Variants in NBPF11 observed in about 807,000 individuals in gnomAD.
The protein encoded by NBPF11 is NBPF family member NBPF11.
In NBPF11, 72 loss-of-function variants were observed where a neutral mutation model predicts 93.9. The observed-to-expected ratio is 0.77, with a 90% CI of 0.63 to 0.93. The LOEUF is 0.93. Among genes scored for constraint, NBPF11 ranks in the 40% least tolerant of loss-of-function variants. The probability of loss-of-function intolerance (pLI) is 0.00; values close to 1 mark genes in which losing one functional copy is unlikely to be tolerated. For missense variants in NBPF11, 705 were observed against 802.2 expected (o/e 0.88, Z 1.46); for synonymous variants, 224 against 304.9 (o/e 0.73, Z 2.76).
intron 2 of NBPF11, among the ~76,000 whole-genome samples, chr1:148,139,347 C>T (rs1329485065): frequency 1.4e-5 from 2 of 143,748 alleles, no homozygotes; most frequent in African/African-American, 2.7e-5. Flanking sequence ...TGTCACAAAA[C>T]GAACACAATA....
At chr1:148,114,778 TCAAA>T (rs1473764604) in intron 14 of NBPF11, among the ~76,000 whole-genome samples, 69 of 146,028 alleles carry the variant, frequency 4.7e-4, no homozygotes, top group African/African-American at 1.4e-3. Flanking sequence ...CAAAAATTGG[TCAAA>T]CAATTTTCTA....
Position 148,103,595 on chromosome 1 carries a change from A to G in NBPF11, c.*301T>C. The G allele has an allele frequency of 1.9e-6, 3 of 1,608,900 alleles. No homozygotes were observed. The highest frequency in any genetic ancestry group is 1.1e-5 in the South Asian group (1 of 90,936). On this transcript the variant is annotated 3_prime_UTR_variant, in exon 24 of 24. Coordinates refer to ENST00000682118, the MANE Select transcript of NBPF11 (RefSeq NM_001385469.3). ...TGTCTGGGCTTCCAAATGGAACTAT[A>G]GTTTCATTCAAATCTTCAGGTGCCT... is the stretch of plus-strand genomic sequence containing the variant.
intron 1 of NBPF11, among the ~76,000 whole-genome samples, chr1:148,145,334 C>T (rs1260157327): frequency 6.9e-6 from 1 of 144,640 alleles, no homozygotes; most frequent in African/African-American, 2.6e-5. Flanking sequence ...GCCTCAGCCT[C>T]CTGAGTAGCT....
Position 148,104,582 on chromosome 1 carries a change from C to G in NBPF11, c.2536G>C (p.Gly846Arg). The part of the protein sequence containing the change: ...GEEDQRRKEE[G>R]EEKKGKKIKT... Reference sequence around the variant, plus strand: ...ATCTTCTTCCCCTTCTTTTCTTCCCCTTCTTCTTTTCTTCTTTGATCTTCT... The same window carrying G: ...ATCTTCTTCCCCTTCTTTTCTTCCCGTTCTTCTTTTCTTCTTTGATCTTCT... The change falls in exon 23 of 24, where the codon GGG becomes CGG. Residue 846 changes from glycine to arginine, a missense_variant. Gly to Arg is a moderately radical substitution (Grantham distance 125). Around this residue, in one of 12 missense-constraint regions of NBPF11, gnomAD observed 109 missense variants for 83.3 expected, o/e 1.31. Coordinates refer to ENST00000682118, the MANE Select transcript of NBPF11 (RefSeq NM_001385469.3). The G allele has an allele frequency of 3.3e-6, 2 of 597,380 alleles. No individual in the cohort carries two copies. The highest frequency in any genetic ancestry group is 1.9e-5 in the South Asian group (1 of 51,526). 37.0% of individuals were successfully genotyped at this position (597,380 alleles called of 1,614,324 possible). A position where few individuals can be genotyped will look rare whatever the true frequency, so the allele number is the denominator to read the frequency against.
intron 5 of NBPF11, among the ~76,000 whole-genome samples, chr1:148,125,290 CT>C (rs1353196890): frequency 6.6e-6 from 1 of 151,920 alleles, no homozygotes; most frequent in African/African-American, 2.4e-5. Context: ...AGGTCTGACT[CT>C]GAATGCGGGG....
At chr1:148,146,868 C>T (rs1277782986) in intron 1 of NBPF11, 45 of 1,613,614 alleles carry the variant, frequency 2.8e-5, no homozygotes, top group Non-Finnish European at 3.6e-5. Context: ...GCAGGCCTTC[C>T]GAGAGGAACC....
chr1:148,111,795 C>G (rs57347390), intron 15 of NBPF11, among the ~76,000 whole-genome samples: 1 of 151,294 alleles, frequency 6.6e-6, no homozygotes, highest in Non-Finnish European at 1.5e-5. Flanking sequence ...CTGAAAGTGA[C>G]GGGGAGAATG....
chr1:148,141,307 T>A (rs1672127653), intron 2 of NBPF11, among the ~76,000 whole-genome samples: 2 of 152,048 alleles, frequency 1.3e-5, no homozygotes, highest in African/African-American at 4.8e-5. Context: ...CTTTAGTTGA[T>A]AATGATGTAT....
At chr1:148,129,154 AT>A (rs1177084598) in intron 4 of NBPF11, among the ~76,000 whole-genome samples, 6 of 135,772 alleles carry the variant, frequency 4.4e-5, no homozygotes, top group Admixed American at 1.5e-4. Context: ...ATGTATATAT[AT>A]TATATATATA....
chr1:148,134,806 A>T (rs1298598634), intron 4 of NBPF11, among the ~76,000 whole-genome samples: 1 of 151,914 alleles, frequency 6.6e-6, no homozygotes. Context: ...ACGATGCAAG[A>T]GAATAGAAGA....
At chr1:148,142,236 A>C (rs1672309646) in intron 2 of NBPF11, among the ~76,000 whole-genome samples, 3 of 151,918 alleles carry the variant, frequency 2.0e-5, no homozygotes, top group Non-Finnish European at 2.9e-5. Context: ...AACTTACACC[A>C]CCAGTATTTC....
chr1:148,146,640 G>C (rs1673149336), intron 1 of NBPF11: 10 of 1,611,394 alleles, frequency 6.2e-6, no homozygotes, highest in Non-Finnish European at 8.5e-6. Flanking sequence ...GCCAGCGCGA[G>C]CTGGACACCA....
At chr1:148,144,164 G>A (rs1377641568) in intron 1 of NBPF11, among the ~76,000 whole-genome samples, 2 of 150,346 alleles carry the variant, frequency 1.3e-5, no homozygotes, top group African/African-American at 2.5e-5. Flanking sequence ...GAGTGTGTGG[G>A]CGTAGTTAAT....
At position 148,118,650 on chromosome 1, in the gene NBPF11, G is replaced by T; in HGVS notation, c.1061C>A (p.Ala354Glu). ...NERQFKEEKL[A>E]EQLKQAEELR... is the part of the protein sequence containing the mutation. ...CTCCTCAGCTTGCTTCAGCTGCTCT[G>T]CAAGCTTCTCCTCCTTGAACTGTCG... The change falls in exon 11 of 24, where the codon GCA becomes GAA. Residue 354 changes from alanine (A) to glutamate (E), a missense_variant. Around this residue, in one of 12 missense-constraint regions of NBPF11, gnomAD observed 262 missense variants for 223.1 expected, o/e 1.17. Coordinates refer to ENST00000682118, the MANE Select transcript of NBPF11 (RefSeq NM_001385469.3). 2 of 1,612,952 alleles carry T rather than the reference G, an allele frequency of 1.2e-6. No homozygotes were observed. The highest frequency in any genetic ancestry group is 1.7e-5 in the Admixed American group (1 of 60,020).
intron 21 of NBPF11, among the ~76,000 whole-genome samples, chr1:148,105,733 CACACACACACACAA>C (rs1364182445): frequency 3.0e-5 from 3 of 99,660 alleles, no homozygotes; most frequent in Non-Finnish European, 5.4e-5. Flanking sequence ...CACACACACA[CACACACACACACAA>C]ACACACACAC....
Position 148,151,816 on chromosome 1 carries a change from G to T in NBPF11, c.-615C>A, listed in dbSNP as rs1428313938. On this transcript the variant is annotated 5_prime_UTR_variant, in exon 1 of 24. Transcript: ENST00000682118. ...CCATCCAGGCTGCAGCCGTGCCGCC[G>T]TACCTCGGCCCCGCTCCTGGCGCCG... 9 of 152,108 alleles carry T rather than the reference G, an allele frequency of 5.9e-5. No homozygotes were observed. Among genetic ancestry groups the T allele is most frequent in the Non-Finnish European group, 1.2e-4 (8 of 68,080 alleles). 9.4% of individuals were successfully genotyped at this position (152,108 alleles called of 1,614,324 possible). A position where few individuals can be genotyped will look rare whatever the true frequency, so the allele number is the denominator to read the frequency against.
chr1:148,148,883 G>A (rs1345303112), intron 1 of NBPF11, among the ~76,000 whole-genome samples: 3 of 151,562 alleles, frequency 2.0e-5, no homozygotes, highest in Non-Finnish European at 4.4e-5. Flanking sequence ...CCCGCCCCAG[G>A]GGCACTCCGT....
chr1:148,111,087 G>A (rs28560162), intron 15 of NBPF11, among the ~76,000 whole-genome samples: 14 of 151,138 alleles, frequency 9.3e-5, no homozygotes, highest in South Asian at 2.1e-4. Flanking sequence ...GAGAATAGGC[G>A]ACACCAAGAA....
At chr1:148,113,444 A>G (rs1423640526) in intron 15 of NBPF11, among the ~76,000 whole-genome samples, 3 of 148,556 alleles carry the variant, frequency 2.0e-5, no homozygotes, top group East Asian at 4.0e-4. Context: ...TATGCACCCT[A>G]TACAGGAGCA....
Sources: gnomAD v4.1 joint callset for allele counts (sites outside exome capture counted in the v4.1 genomes callset) on GRCh38, gnomAD v4.1.1 for gene constraint, gnomAD v4.1.1 regional missense constraint, MANE v1.5 for transcripts, NCBI Gene and HGNC (gene_info 2026-07-23, HGNC 2026-07-21) for gene names.